ADAMTSL1: variants seen among roughly 807,000 people sequenced by gnomAD.
The protein encoded by ADAMTSL1 is ADAMTS like 1, also known as ADAMTS-like protein 1.
ADAMTSL1 carries 126 observed loss-of-function variants against 201.8 expected under a neutral mutation model. The observed-to-expected ratio is 0.62, with a 90% CI of 0.54 to 0.72. The LOEUF (loss-of-function observed/expected upper bound fraction) is 0.72, where lower values mean the gene tolerates loss of function less well. ADAMTSL1 is among the 30% of genes least tolerant of loss of function. The pLI is 0.00. For missense variants in ADAMTSL1, 2,679 were observed against 2,277.8 expected (o/e 1.18, Z -3.59); for synonymous variants, 1,121 against 903.4 (o/e 1.24, Z -4.32).
intron 2 of ADAMTSL1, among the ~76,000 whole-genome samples, chr9:18,397,015 T>G (rs189935609): frequency 6.9e-6 from 1 of 145,782 alleles, no homozygotes; most frequent in African/African-American, 2.8e-5. Flanking sequence ...GAATCCCTGA[T>G]GATGATTTTT....
At chr9:17,969,610 C>T (rs762950981) in intron 1 of ADAMTSL1, among the ~76,000 whole-genome samples, 1 of 151,962 alleles carries the variant, frequency 6.6e-6, no homozygotes. Flanking sequence ...TGTTTGTTTT[C>T]TATAAAATGA....
chr9:18,256,101 TA>T (rs1831672723), intron 2 of ADAMTSL1, among the ~76,000 whole-genome samples: 1 of 152,326 alleles, frequency 6.6e-6, no homozygotes, highest in South Asian at 2.1e-4. Context: ...TTCCATTTCT[TA>T]AAATGTGACA....
chr9:18,689,885 T>C (rs1831109640), intron 13 of ADAMTSL1, among the ~76,000 whole-genome samples: 2 of 152,240 alleles, frequency 1.3e-5, no homozygotes, highest in African/African-American at 4.8e-5. Flanking sequence ...GTTATCTTAT[T>C]AGATTTTCAG....
At chr9:18,192,914 C>T (rs968630791) in intron 2 of ADAMTSL1, among the ~76,000 whole-genome samples, 1 of 152,060 alleles carries the variant, frequency 6.6e-6, no homozygotes, top group South Asian at 2.1e-4. Context: ...AAAAGTAGAT[C>T]ATTTCTGCTT....
chr9:18,551,062 G>T (rs565380125), intron 3 of ADAMTSL1, among the ~76,000 whole-genome samples: 2 of 151,760 alleles, frequency 1.3e-5, no homozygotes, highest in East Asian at 3.9e-4. Context: ...CAATTTAATA[G>T]AAGCTAGGAA....
In ADAMTSL1 at chr9:18,777,288, G is replaced by A. The variant is rs766641141; in HGVS notation, c.3059G>A (p.Arg1020His). Residue 1020 changes from arginine (R) to histidine (H), a missense_variant, in exon 19 of 29, where the codon CGC (arginine) becomes CAC (histidine). By Grantham distance (29) the Arg-to-His change is conservative. Coordinates refer to ENST00000380548, the MANE Select transcript of ADAMTSL1 (RefSeq NM_001040272.6). ...KRGLAANPGS[R>H]YDDLVSRLLE... ...GGCCTGGCCGCCAACCCGGGGAGCC[G>A]CTACGACGACCTCGTCTCCCGGCTG... The A allele has an allele frequency of 1.2e-5, 20 of 1,606,830 alleles. 1 individual carries two copies. The highest frequency in any genetic ancestry group is 3.3e-5 in the South Asian group (3 of 90,184).
chr9:18,592,503 C>T (rs549360972), intron 4 of ADAMTSL1, among the ~76,000 whole-genome samples: 15 of 152,278 alleles, frequency 9.9e-5, no homozygotes, highest in African/African-American at 3.4e-4. Flanking sequence ...GGATCAGCTT[C>T]GATGATTGCT....
intron 1 of ADAMTSL1, among the ~76,000 whole-genome samples, chr9:18,155,095 G>A (rs1827093563): frequency 6.6e-6 from 1 of 151,860 alleles, no homozygotes; most frequent in Non-Finnish European, 1.5e-5. Context: ...GTTTTTGAAG[G>A]GGAAATAAAT....
At chr9:18,887,250 G>T (rs528363816) in intron 23 of ADAMTSL1, among the ~76,000 whole-genome samples, 19 of 152,284 alleles carry the variant, frequency 1.2e-4, no homozygotes, top group Admixed American at 9.8e-4. Flanking sequence ...CTGTAGATGT[G>T]TATAATATTG....
chr9:18,376,603 G>A (rs746077996), intron 2 of ADAMTSL1, among the ~76,000 whole-genome samples: 2 of 151,984 alleles, frequency 1.3e-5, no homozygotes, highest in Non-Finnish European at 2.9e-5. Context: ...TCAGGAGTTC[G>A]AGACAAGCCT....
At chr9:18,636,835 T>C (rs1827139056) in intron 6 of ADAMTSL1, among the ~76,000 whole-genome samples, 1 of 152,144 alleles carries the variant, frequency 6.6e-6, no homozygotes, top group Non-Finnish European at 1.5e-5. Context: ...AGTTGGTTCC[T>C]TGAGCATTTC....
At chr9:18,388,717 G>A (rs558888713) in intron 2 of ADAMTSL1, among the ~76,000 whole-genome samples, 1 of 147,190 alleles carries the variant, frequency 6.8e-6, no homozygotes, top group East Asian at 2.0e-4. Context: ...ATTCTATTTC[G>A]ATTTTTTGTT....
At chr9:18,007,449 G>A (rs1586886582) in intron 1 of ADAMTSL1, among the ~76,000 whole-genome samples, 1 of 151,928 alleles carries the variant, frequency 6.6e-6, no homozygotes, top group Admixed American at 6.6e-5. Context: ...ATAGTAAAAA[G>A]CAAAAACAGA....
At chr9:18,378,118 G>A (rs1837388250) in intron 2 of ADAMTSL1, among the ~76,000 whole-genome samples, 1 of 152,138 alleles carries the variant, frequency 6.6e-6, no homozygotes, top group Non-Finnish European at 1.5e-5. Context: ...GGTGGCGAGA[G>A]GAGGAATTAA....
chr9:18,531,107 C>G (rs1349436794), intron 2 of ADAMTSL1, among the ~76,000 whole-genome samples: 2 of 152,162 alleles, frequency 1.3e-5, no homozygotes, highest in African/African-American at 2.4e-5. Flanking sequence ...GGTGTACTCA[C>G]AATAACTCAG....
At chr9:18,140,480 T>C (rs994142918) in intron 1 of ADAMTSL1, among the ~76,000 whole-genome samples, 1 of 152,128 alleles carries the variant, frequency 6.6e-6, no homozygotes, top group African/African-American at 2.4e-5. Flanking sequence ...CAGCAACAAG[T>C]TGGACACACA....
chr9:17,907,299 C>G (rs1021155571), intron 1 of ADAMTSL1, among the ~76,000 whole-genome samples: 4 of 152,188 alleles, frequency 2.6e-5, no homozygotes, highest in Non-Finnish European at 4.4e-5. Flanking sequence ...CCCCCTCTCT[C>G]GTTCCAGGCT....
At chr9:18,379,350 C>G (rs1484234676) in intron 2 of ADAMTSL1, among the ~76,000 whole-genome samples, 2 of 152,230 alleles carry the variant, frequency 1.3e-5, no homozygotes, top group Non-Finnish European at 2.9e-5. Context: ...TCTGCTCTAA[C>G]CCTTGCAAAA....
At chr9:17,979,261 C>T (rs1818586089) in intron 1 of ADAMTSL1, among the ~76,000 whole-genome samples, 1 of 151,852 alleles carries the variant, frequency 6.6e-6, no homozygotes, top group South Asian at 2.1e-4. Context: ...TATTACCCTG[C>T]TCCTTTCTCT....
Sources: gnomAD v4.1 joint callset for allele counts (sites outside exome capture counted in the v4.1 genomes callset) on GRCh38, gnomAD v4.1.1 for gene constraint, MANE v1.5 for transcripts, NCBI Gene and HGNC (gene_info 2026-07-23, HGNC 2026-07-21) for gene names.